PLCG1: variants seen among roughly 807,000 people sequenced by gnomAD.
The protein encoded by PLCG1 is 1-phosphatidylinositol 4,5-bisphosphate phosphodiesterase gamma-1.
In PLCG1, 71 loss-of-function variants were observed where a neutral mutation model predicts 177.8. The ratio of observed to expected loss-of-function variants is 0.40; its 90% CI spans 0.33 to 0.49. The LOEUF is 0.49. Among genes scored for constraint, PLCG1 ranks in the 20% least tolerant of loss-of-function variants. The pLI is 0.72. For synonymous variants in PLCG1, 658 were observed against 647.9 expected (o/e 1.02, Z -0.24); for missense variants, 1,281 against 1,709.0 (o/e 0.75, Z 4.42).
At chr20:41,139,383 G>T (rs1440262041) in intron 1 of PLCG1, among the ~76,000 whole-genome samples, 2 of 152,190 alleles carry the variant, frequency 1.3e-5, no homozygotes, top group African/African-American at 4.8e-5. Context: ...TACTCCCTAT[G>T]CTGTGTTGAG....
In PLCG1 at chr20:41,151,224, G is replaced by T. The variant is rs1802541337; in HGVS notation, c.218-8382G>T. On this transcript the variant is annotated intron_variant, in intron 1 of 31. Transcript: ENST00000685551. The surrounding 1 kb of genome is among the most constrained non-coding windows in gnomAD (Gnocchi z 5.5). ...CAAAGGCTGGCTGTGGCTGCTCTGT[G>T]TTTCTCTGTATACCCAGTGTCAGGG... Among the ~76,000 whole-genome samples, 1 of 152,104 alleles carries T rather than the reference G, an allele frequency of 6.6e-6. No homozygotes were observed. Among genetic ancestry groups the T allele is most frequent in the African/African-American group, 2.4e-5 (1 of 41,450 alleles).
rs763408762 is a variant in PLCG1, at chr20:41,170,139, G to A, written c.2678G>A (p.Arg893Gln). ...ATCCGTCCTGAGGGCAAGAACAACCGGCTCTTCGTCTTCTCCATCAGCATG... is the reference window on the plus strand; with the variant it reads ...ATCCGTCCTGAGGGCAAGAACAACCAGCTCTTCGTCTTCTCCATCAGCATG... ...IAIRPEGKNN[R>Q]LFVFSISMAS... is the part of the protein sequence containing the mutation. The change falls in exon 24 of 32, where the codon CGG (arginine) becomes CAG (glutamine). Residue 893 changes from arginine (R) to glutamine (Q), a missense_variant. Physicochemically the swap from Arg to Gln is conservative, Grantham distance 43 (BLOSUM62 1). Transcript: ENST00000685551. The A allele has an allele frequency of 2.4e-5, 38 of 1,613,568 alleles. No individual in the cohort carries two copies. Among genetic ancestry groups the A allele is most frequent in the South Asian group, 6.6e-5 (6 of 91,046 alleles).
Position 41,166,436 on chromosome 20 carries a change from A to C in PLCG1, c.2001-40A>C, listed in dbSNP as rs1039248526. The C allele has an allele frequency of 6.2e-7, 1 of 1,613,880 alleles. No individual in the cohort carries two copies. Reference sequence around the variant, plus strand: ...GGGGCGGACAAGGCAGGGCAGGGCCATGGGTGGTGCTGGCCGGGCCTGACT... The same window carrying C: ...GGGGCGGACAAGGCAGGGCAGGGCCCTGGGTGGTGCTGGCCGGGCCTGACT... On this transcript the variant is annotated intron_variant, in intron 17 of 31. Coordinates refer to ENST00000685551, the MANE Select transcript of PLCG1 (RefSeq NM_002660.3). The surrounding 1 kb of genome is among the most constrained non-coding windows in gnomAD (Gnocchi z 8.6).
chr20:41,163,452 C>G lies in PLCG1; in HGVS notation c.864C>G (p.Ile288Met), dbSNP rs751778690. ...LSFLRDPLRE[I>M]EEPYFFLDEF... Reference sequence around the variant, plus strand: ...TCCTCCGAGACCCCTTACGAGAGATCGAGGAGCCATACTTCTTCCTGGATG... The same window carrying G: ...TCCTCCGAGACCCCTTACGAGAGATGGAGGAGCCATACTTCTTCCTGGATG... The change falls in exon 9 of 32, where the codon ATC becomes ATG. Residue 288 changes from isoleucine (I) to methionine (M), a missense_variant. Coordinates refer to ENST00000685551, the MANE Select transcript of PLCG1 (RefSeq NM_002660.3). The surrounding 1 kb of genome is among the most constrained non-coding windows in gnomAD (Gnocchi z 5.2). 8 of 1,611,726 alleles carry G rather than the reference C, an allele frequency of 5.0e-6. No homozygotes were observed. Among genetic ancestry groups the G allele is most frequent in the Non-Finnish European group, 4.2e-6 (5 of 1,178,774 alleles).
At chr20:41,141,392 G>A (rs577252471) in intron 1 of PLCG1, among the ~76,000 whole-genome samples, 4 of 152,268 alleles carry the variant, frequency 2.6e-5, no homozygotes, top group Non-Finnish European at 4.4e-5. Flanking sequence ...TGAGGGTGGC[G>A]GAAGAAAACA....
Position 41,156,089 on chromosome 20 carries a change from A to T in PLCG1, c.218-3517A>T, listed in dbSNP as rs978690369. ...TTATGAGAAGGTTCTCAGTCCTCAGAGCTGACATGTGATATACAGTCCAGG... is the reference window on the plus strand; with the variant it reads ...TTATGAGAAGGTTCTCAGTCCTCAGTGCTGACATGTGATATACAGTCCAGG... On this transcript the variant is annotated intron_variant, in intron 1 of 31. Transcript: ENST00000685551. This position sits in a 1 kb window ranked among gnomAD's most constrained non-coding sequence, Gnocchi z 5.0. Among the ~76,000 whole-genome samples, 4 of 152,166 alleles carry T rather than the reference A, an allele frequency of 2.6e-5. No individual in the cohort carries two copies. The highest frequency in any genetic ancestry group is 9.7e-5 in the African/African-American group (4 of 41,446).
rs369641099 is a variant in PLCG1 at position 41,172,309 on chromosome 20, C to A, written c.2905+20C>A. On this transcript the variant is annotated intron_variant, in intron 25 of 31. Transcript: ENST00000685551. This position sits in a 1 kb window ranked among gnomAD's most constrained non-coding sequence, Gnocchi z 7.0. ...AAGAGAGTAAGGGCCAGGGCCCAGG[C>A]GGGGTGTGCATGTGCCTGGAGGGCC... 4 of 1,602,092 alleles carry A rather than the reference C, an allele frequency of 2.5e-6. No homozygotes were observed. The highest frequency in any genetic ancestry group is 3.4e-6 in the Non-Finnish European group (4 of 1,169,000).
chr20:41,164,324 C>G lies in PLCG1; in HGVS notation c.1217+123C>G. 9.9e-7 allele frequency: 1 copy of G among 1,013,010 alleles called. No homozygotes were observed. Among genetic ancestry groups the G allele is most frequent in the Admixed American group, 2.1e-5 (1 of 48,260 alleles). The allele number at this position is 1,013,010 out of a possible 1,614,324, so 62.8% of individuals were successfully genotyped here. ...CTCTCCCTCAGCCTTTCATCTTTGT[C>G]CTTCCTCTTGGCCTCTCCTCGTCAC... On this transcript the variant is annotated intron_variant, in intron 12 of 31. Coordinates refer to ENST00000685551, the MANE Select transcript of PLCG1 (RefSeq NM_002660.3). The surrounding 1 kb of genome is among the most constrained non-coding windows in gnomAD (Gnocchi z 6.4).
At position 41,170,056 on chromosome 20, in the gene PLCG1, G is replaced by T; in HGVS notation, c.2651-56G>T. 7.4e-6 allele frequency: 11 copies of T among 1,488,738 alleles called. No homozygotes were observed. The South Asian group carries it at 1.2e-4, about 17-fold the overall frequency. The allele number at this position is 1,488,738 out of a possible 1,614,324, so 92.2% of individuals were successfully genotyped here. ...TGAGCCAGTGCCTGCGGTGTGGAGTGGGGTGGAGGGGGTGAGATGTCTATT... is the reference window on the plus strand; with the variant it reads ...TGAGCCAGTGCCTGCGGTGTGGAGTTGGGTGGAGGGGGTGAGATGTCTATT... On this transcript the variant is annotated intron_variant, in intron 23 of 31. Transcript: ENST00000685551.
At chr20:41,169,740 G>T in intron 23 of PLCG1, 1 of 585,632 alleles carries the variant, frequency 1.7e-6, no homozygotes, top group Admixed American at 3.1e-5. Context: ...GCCAGGCACT[G>T]GGGAACCCGT....
In PLCG1 at chr20:41,164,928, C is replaced by G; in HGVS notation, c.1218-5C>G. The G allele has an allele frequency of 6.2e-7, 1 of 1,612,356 alleles. No homozygotes were observed. The highest frequency in any genetic ancestry group is 8.5e-7 in the Non-Finnish European group (1 of 1,178,812). ...GTTTCACTGTGCTTGTCCCCCATCC[C>G]GCAGGTACCCAGTCATCCTGTCCAT... On this transcript the variant is annotated splice_polypyrimidine_tract_variant and splice_region_variant and intron_variant, in intron 12 of 31. Transcript: ENST00000685551. The surrounding 1 kb of genome is among the most constrained non-coding windows in gnomAD (Gnocchi z 6.4).
rs979396868 is a variant in PLCG1, at chr20:41,147,889, G to T, written c.217+10031G>T. 3.9e-5 allele frequency among the ~76,000 whole-genome samples: 6 copies of T among 152,018 alleles called. No individual in the cohort carries two copies. The highest frequency in any genetic ancestry group is 7.4e-5 in the Non-Finnish European group (5 of 68,010). ...AATTTAAGCTGGGCTTTCTGGGCAGGCAGTGAGTGAATGAGATCCCTGGCA... is the reference window on the plus strand; with the variant it reads ...AATTTAAGCTGGGCTTTCTGGGCAGTCAGTGAGTGAATGAGATCCCTGGCA... On this transcript the variant is annotated intron_variant, in intron 1 of 31. Coordinates refer to ENST00000685551, the MANE Select transcript of PLCG1 (RefSeq NM_002660.3). This position sits in a 1 kb window ranked among gnomAD's most constrained non-coding sequence, Gnocchi z 4.0.
At position 41,177,493 on chromosome 20, in the gene PLCG1, G is replaced by A. The variant is rs2036096223; in HGVS notation, c.*2984G>A. ...TAGACACTCACTTGTCTTTCAACTT[G>A]AGCCCATCACTCACCATGTGAGTTC... On this transcript the variant is annotated 3_prime_UTR_variant, in exon 32 of 32. Coordinates refer to ENST00000685551, the MANE Select transcript of PLCG1 (RefSeq NM_002660.3). 2.6e-5 allele frequency: 4 copies of A among 152,212 alleles called. No homozygotes were observed. Among genetic ancestry groups the A allele is most frequent in the Admixed American group, 1.3e-4 (2 of 15,290 alleles). 9.4% of individuals were successfully genotyped at this position (152,212 alleles called of 1,614,324 possible). A position where few individuals can be genotyped will look rare whatever the true frequency, so the allele number is the denominator to read the frequency against.
intron 1 of PLCG1, among the ~76,000 whole-genome samples, chr20:41,149,386 T>G (rs2035095587): frequency 6.6e-6 from 1 of 152,156 alleles, no homozygotes. Flanking sequence ...GATTGGGGGC[T>G]GGTGAGAGAA....
At chr20:41,154,279 A>G (rs35696819) in intron 1 of PLCG1, among the ~76,000 whole-genome samples, 255 of 152,210 alleles carry the variant, frequency 1.7e-3, no homozygotes, top group Non-Finnish European at 2.9e-3. Context: ...GGCTTTTTTG[A>G]GCACAGGGGA....
In PLCG1 at chr20:41,167,746, C is replaced by A; in HGVS notation, c.2302-106C>A. The A allele has an allele frequency of 1.3e-6, 1 of 780,348 alleles. No homozygotes were observed. The highest frequency in any genetic ancestry group is 2.2e-6 in the Non-Finnish European group (1 of 445,328). 48.3% of individuals were successfully genotyped at this position (780,348 alleles called of 1,614,324 possible). A position where few individuals can be genotyped will look rare whatever the true frequency, so the allele number is the denominator to read the frequency against. On this transcript the variant is annotated intron_variant, in intron 19 of 31. Transcript: ENST00000685551. The surrounding 1 kb of genome is among the most constrained non-coding windows in gnomAD (Gnocchi z 4.4). Reference sequence around the variant, plus strand: ...TCGAAGGATCCCTGTGGATCAGGTGCAAGTTTGCTGCACTGGGGGAAAGGG... The same window carrying A: ...TCGAAGGATCCCTGTGGATCAGGTGAAAGTTTGCTGCACTGGGGGAAAGGG...
chr20:41,165,229 C>T lies in PLCG1; in HGVS notation c.1387-16C>T. On this transcript the variant is annotated splice_polypyrimidine_tract_variant and intron_variant, in intron 13 of 31. Transcript: ENST00000685551. This position sits in a 1 kb window ranked among gnomAD's most constrained non-coding sequence, Gnocchi z 6.6. ...GGACTGGGGTCTGCATTGCCCTGTT[C>T]TGGTTGCCCCTACAGCACAAGAAGC... The T allele has an allele frequency of 6.2e-7, 1 of 1,613,672 alleles. No homozygotes were observed.
chr20:41,165,995 C>T lies in PLCG1; in HGVS notation c.1799+169C>T, dbSNP rs1423219152. 2 of 680,338 alleles carry T rather than the reference C, an allele frequency of 2.9e-6. No individual in the cohort carries two copies. The highest frequency in any genetic ancestry group is 1.8e-5 in the African/African-American group (1 of 54,970). 42.1% of individuals were successfully genotyped at this position (680,338 alleles called of 1,614,324 possible). On this transcript the variant is annotated intron_variant, in intron 16 of 31. Transcript: ENST00000685551. This position sits in a 1 kb window ranked among gnomAD's most constrained non-coding sequence, Gnocchi z 6.6. ...ACACACACACTCTCTGTCTCACCCC[C>T]CCCCCATACCCCTCCCTTTTCGGTT...
At position 41,167,790 on chromosome 20, in the gene PLCG1, G is replaced by T; in HGVS notation, c.2302-62G>T. 3 of 1,213,422 alleles carry T rather than the reference G, an allele frequency of 2.5e-6. No individual in the cohort carries two copies. Among genetic ancestry groups the T allele is most frequent in the Non-Finnish European group, 3.7e-6 (3 of 818,846 alleles). 75.2% of individuals were successfully genotyped at this position (1,213,422 alleles called of 1,614,324 possible). ...GAAAGGGAAGCTGCTCCAGAAACCA[G>T]TAGCTGCTTTCTACCTCTGGGCTCT... On this transcript the variant is annotated intron_variant, in intron 19 of 31. Coordinates refer to ENST00000685551, the MANE Select transcript of PLCG1 (RefSeq NM_002660.3). The surrounding 1 kb of genome is among the most constrained non-coding windows in gnomAD (Gnocchi z 4.4).
Sources: gnomAD v4.1 joint callset for allele counts (sites outside exome capture counted in the v4.1 genomes callset) on GRCh38, gnomAD v4.1.1 for gene constraint, Gnocchi (gnomAD v3.1) non-coding constraint, MANE v1.5 for transcripts, NCBI Gene and HGNC (gene_info 2026-07-23, HGNC 2026-07-21) for gene names.